The following SRGAP2 variants were observed in gnomAD, a reference collection of about 807,000 sequenced individuals.
SRGAP2 encodes the protein SLIT-ROBO Rho GTPase activating protein 2.
SRGAP2 carries 15 observed loss-of-function variants against 57.2 expected under a neutral mutation model. The ratio of observed to expected loss-of-function variants is 0.26; its 90% CI spans 0.18 to 0.40. The LOEUF is 0.40. SRGAP2 is among the 10% of genes least tolerant of loss of function. SRGAP2 has a pLI of 1.00. For missense variants in SRGAP2, 520 were observed against 669.6 expected, an observed-to-expected ratio of 0.78 and a Z score of 2.47; for synonymous variants, 249 against 248.0, an observed-to-expected ratio of 1.00 and a Z score of -0.04.
At chr1:206,398,474 G>A (rs1657832530) in intron 7 of SRGAP2, among the ~76,000 whole-genome samples, 1 of 152,184 alleles carries the variant, frequency 6.6e-6, no homozygotes, top group Admixed American at 6.5e-5. Context: ...GAGGCAGTGT[G>A]CCAGCCTGGG....
rs368030357 is a variant in SRGAP2, at chr1:206,248,629, A to T, written c.67+42592A>T. On this transcript the variant is annotated intron_variant, in intron 2 of 22. Coordinates refer to ENST00000573034, the MANE Select transcript of SRGAP2 (RefSeq NM_015326.5). ...CATTATGTGCCAAGTACTGGGTTGGACACTAGGTGACAGAGATGAACAAAT... is the reference window on the plus strand; with the variant it reads ...CATTATGTGCCAAGTACTGGGTTGGTCACTAGGTGACAGAGATGAACAAAT... Among the ~76,000 whole-genome samples the T allele has an allele frequency of 8.4e-3, 1,276 of 152,046 alleles. 5 individuals carry two copies. The highest frequency in any genetic ancestry group is 0.027 in the Middle Eastern group (8 of 294).
chr1:206,429,367 G>A (rs1489973528), intron 13 of SRGAP2, among the ~76,000 whole-genome samples: 2 of 152,238 alleles, frequency 1.3e-5, no homozygotes, highest in African/African-American at 4.8e-5. Flanking sequence ...GAATAATTGA[G>A]CACCTCTTAT....
chr1:206,307,190 C>T lies in SRGAP2; in HGVS notation c.260+3717C>T, dbSNP rs1311938559. Among the ~76,000 whole-genome samples the T allele has an allele frequency of 2.6e-4, 40 of 152,286 alleles. No homozygotes were observed. In the East Asian group the frequency reaches 4.8e-3, roughly 18 times the overall value. On this transcript the variant is annotated intron_variant, in intron 3 of 22. Coordinates refer to ENST00000573034, the MANE Select transcript of SRGAP2 (RefSeq NM_015326.5). ...AAACCTTGAGCTAGATATAGAGTGCCGATTGGTGTATTTACAATCCTTGAG... is the reference window on the plus strand; with the variant it reads ...AAACCTTGAGCTAGATATAGAGTGCTGATTGGTGTATTTACAATCCTTGAG...
At chr1:206,313,487 A>G (rs1311188615) in intron 3 of SRGAP2, among the ~76,000 whole-genome samples, 1 of 143,464 alleles carries the variant, frequency 7.0e-6, no homozygotes, top group Non-Finnish European at 1.5e-5. Context: ...AAGATACTCT[A>G]GGAAAAAGGG....
intron 21 of SRGAP2, 22 bp downstream of exon 21, chr1:206,455,046 C>T (rs546895084): frequency 1.3e-6 from 1 of 780,710 alleles, no homozygotes; most frequent in Non-Finnish European, 2.4e-6. Flanking sequence ...TTTTCATTTT[C>T]TGCTCCCCTG....
chr1:206,276,772 G>A (rs1670435876), intron 2 of SRGAP2, among the ~76,000 whole-genome samples: 3 of 152,158 alleles, frequency 2.0e-5, no homozygotes, highest in African/African-American at 7.2e-5. Context: ...AAACTGAGGA[G>A]TAGATGGATG....
intron 4 of SRGAP2, among the ~76,000 whole-genome samples, chr1:206,378,354 T>A (rs1242194543): frequency 2.0e-5 from 3 of 152,076 alleles, no homozygotes; most frequent in Non-Finnish European, 2.9e-5. Flanking sequence ...TTGGTACACA[T>A]CTGTCGTCCC....
rs1180042019 is a variant in SRGAP2, at chr1:206,237,090, T to TA, written c.67+31068dup. Among the ~76,000 whole-genome samples, 472 of 131,208 alleles carry TA rather than the reference T, an allele frequency of 3.6e-3. 5 individuals are homozygous for TA. The highest frequency in any genetic ancestry group is 0.026 in the South Asian group (105 of 4,066). 86.1% of individuals were successfully genotyped at this position (131,208 alleles called of 152,430 possible). On this transcript the variant is annotated intron_variant, in intron 2 of 22. Coordinates refer to ENST00000573034, the MANE Select transcript of SRGAP2 (RefSeq NM_015326.5). ...CAACATGGTGAAACCCCACCTCTACTAAAAAAAAAAAAAAATACAAAAATT... is the reference window on the plus strand; with the variant it reads ...CAACATGGTGAAACCCCACCTCTACTAAAAAAAAAAAAAAAATACAAAAATT...
Position 206,463,739 on chromosome 1 carries a change from T to G in SRGAP2, c.*2319T>G, listed in dbSNP as rs1475259624. On this transcript the variant is annotated 3_prime_UTR_variant, in exon 23 of 23. Transcript: ENST00000573034. The stretch of plus-strand genomic sequence containing the variant: ...CTGTCTTCCCCATCTCTGGTGCTCC[T>G]AACACCTGTGAGATGGTCCTGTCGA... The G allele has an allele frequency of 6.6e-6, 1 of 152,626 alleles. No homozygotes were observed. Among genetic ancestry groups the G allele is most frequent in the African/African-American group, 2.4e-5 (1 of 41,456 alleles). The allele number at this position is 152,626 out of a possible 1,614,324, so 9.5% of individuals were successfully genotyped here. A position where few individuals can be genotyped will look rare whatever the true frequency, so the allele number is the denominator to read the frequency against.
intron 2 of SRGAP2, among the ~76,000 whole-genome samples, chr1:206,216,736 C>T (rs1666671074): frequency 7.6e-6 from 1 of 130,728 alleles, no homozygotes; most frequent in Non-Finnish European, 1.6e-5. Flanking sequence ...ACATGTTCCT[C>T]CATTTTGGTG....
intron 4 of SRGAP2, among the ~76,000 whole-genome samples, chr1:206,377,339 T>C (rs1253452547): frequency 6.6e-5 from 10 of 150,996 alleles, no homozygotes; most frequent in East Asian, 2.0e-4. Context: ...CAAGGGGTTC[T>C]TTAAAAATGG....
chr1:206,291,281 A>G (rs1184535654), intron 2 of SRGAP2, among the ~76,000 whole-genome samples: 8 of 152,114 alleles, frequency 5.3e-5, no homozygotes, highest in Non-Finnish European at 1.0e-4. Flanking sequence ...GAGCTTAGGC[A>G]GTTAACTGAT....
intron 13 of SRGAP2, among the ~76,000 whole-genome samples, chr1:206,421,856 A>G (rs1356408496): frequency 6.6e-6 from 1 of 152,234 alleles, no homozygotes; most frequent in Non-Finnish European, 1.5e-5. Flanking sequence ...CTCATTACCC[A>G]TATTAGGAGG....
At chr1:206,457,853 C>T (rs1663963480) in intron 21 of SRGAP2, among the ~76,000 whole-genome samples, 1 of 152,214 alleles carries the variant, frequency 6.6e-6, no homozygotes, top group Non-Finnish European at 1.5e-5. Context: ...AGTTTCATTG[C>T]CTCTTAGATT....
At chr1:206,460,782 C>A (rs1487265694) in intron 22 of SRGAP2, among the ~76,000 whole-genome samples, 1 of 151,556 alleles carries the variant, frequency 6.6e-6, no homozygotes, top group Non-Finnish European at 1.5e-5. Context: ...ATATCTATCT[C>A]TAAAACCTAG....
rs781922187 is a variant in SRGAP2, at chr1:206,453,331, A to G, written c.2311A>G (p.Asn771Asp). Residue 771 changes from asparagine (N) to aspartate (D), a missense_variant, in exon 20 of 23, where the codon AAT becomes GAT. Physicochemically the swap from Asn to Asp is conservative, Grantham distance 23. Coordinates refer to ENST00000573034, the MANE Select transcript of SRGAP2 (RefSeq NM_015326.5). ...CGACGACTGGTGGGAAGGCCGGCACAATGGCATCGACGGACTCATCCCCCA... is the reference window on the plus strand; with the variant it reads ...CGACGACTGGTGGGAAGGCCGGCACGATGGCATCGACGGACTCATCCCCCA... ...ASDDWWEGRHNGIDGLIPHQY... is the reference protein window; with the variant it reads ...ASDDWWEGRHDGIDGLIPHQY... The G allele has an allele frequency of 9.3e-6, 7 of 752,960 alleles. No homozygotes were observed. Among genetic ancestry groups the G allele is most frequent in the Non-Finnish European group, 1.7e-5 (7 of 403,680 alleles). The allele number at this position is 752,960 out of a possible 1,614,324, so 46.6% of individuals were successfully genotyped here.
In SRGAP2 at chr1:206,453,193, T is replaced by C; in HGVS notation, c.2180-7T>C. ...ACATGTGTTTACTTCTTTTCCACCCTTCTCAGAATGTGAGCCCATCGAGGC... is the reference window on the plus strand; with the variant it reads ...ACATGTGTTTACTTCTTTTCCACCCCTCTCAGAATGTGAGCCCATCGAGGC... On this transcript the variant is annotated splice_region_variant and splice_polypyrimidine_tract_variant and intron_variant, in intron 19 of 22. Coordinates refer to ENST00000573034, the MANE Select transcript of SRGAP2 (RefSeq NM_015326.5). The C allele has an allele frequency of 2.0e-6, 1 of 501,452 alleles. No homozygotes were observed. Among genetic ancestry groups the C allele is most frequent in the South Asian group, 3.2e-5 (1 of 31,486 alleles). 31.1% of individuals were successfully genotyped at this position (501,452 alleles called of 1,614,324 possible).
intron 13 of SRGAP2, among the ~76,000 whole-genome samples, chr1:206,423,712 C>A (rs1417984824): frequency 6.6e-6 from 1 of 150,760 alleles, no homozygotes; most frequent in Non-Finnish European, 1.5e-5. Context: ...AAAACTCTAA[C>A]CCTCTTACTC....
At chr1:206,231,883 A>G (rs1325132678) in intron 2 of SRGAP2, among the ~76,000 whole-genome samples, 45 of 151,964 alleles carry the variant, frequency 3.0e-4, no homozygotes, top group African/African-American at 1.0e-3. Context: ...AGATCATCAC[A>G]ATCCCTTTTA....
Sources: gnomAD v4.1 joint callset for allele counts (sites outside exome capture counted in the v4.1 genomes callset) on GRCh38, gnomAD v4.1.1 for gene constraint, MANE v1.5 for transcripts, NCBI Gene and HGNC (gene_info 2026-07-23, HGNC 2026-07-21) for gene names.